Variants in MALRD1 observed in about 807,000 individuals in gnomAD.
MALRD1 encodes MAM and LDL receptor class A domain containing 1.
Under a neutral mutation model 242.1 loss-of-function variants are expected in MALRD1, and 247 were observed. That is an observed-to-expected ratio of 1.02 (90% CI 0.92 to 1.13). The LOEUF is 1.13. Ranked by LOEUF, MALRD1 falls within the 50% of genes most tolerant of loss-of-function variation. The pLI is 0.00. For synonymous variants in MALRD1, 995 were observed against 866.6 expected (o/e 1.15, Z -2.60); for missense variants, 2,989 against 2,533.1 (o/e 1.18, Z -3.86).
chr10:19,734,297 A>G lies in MALRD1; in HGVS notation c.*60A>G, dbSNP rs1835407669. On this transcript the variant is annotated 3_prime_UTR_variant, in exon 40 of 40. Transcript: ENST00000454679. ...GTTTCTAGAAAATTGAAGTCTCCACAATCTGATAGAAACTCATCTTCTACA... is the reference window on the plus strand; with the variant it reads ...GTTTCTAGAAAATTGAAGTCTCCACGATCTGATAGAAACTCATCTTCTACA... 7.5e-7 allele frequency: 1 copy of G among 1,328,798 alleles called. No homozygotes were observed. The highest frequency in any genetic ancestry group is 1.0e-6 in the Non-Finnish European group (1 of 962,880). 82.3% of individuals were successfully genotyped at this position (1,328,798 alleles called of 1,614,324 possible).
At chr10:19,337,791 G>T (rs1000164358) in intron 24 of MALRD1, among the ~76,000 whole-genome samples, 2 of 151,836 alleles carry the variant, frequency 1.3e-5, no homozygotes, top group African/African-American at 4.8e-5. Context: ...AACTGGGTGC[G>T]GTGGTTCACG....
chr10:19,485,744 C>T (rs569906122), intron 29 of MALRD1, among the ~76,000 whole-genome samples: 1 of 151,884 alleles, frequency 6.6e-6, no homozygotes, highest in African/African-American at 2.4e-5. Context: ...CTAAAAGAGA[C>T]AAATCCATCG....
At chr10:19,175,020 A>G (rs1317107079) in intron 13 of MALRD1, among the ~76,000 whole-genome samples, 188 bp from the exon 14 acceptor site, 1 of 152,160 alleles carries the variant, frequency 6.6e-6, no homozygotes, top group African/African-American at 2.4e-5. Flanking sequence ...ATTAAGGTAC[A>G]TAAGATGCTG....
At chr10:19,703,017 G>A (rs959420096) in intron 38 of MALRD1, among the ~76,000 whole-genome samples, 1 of 152,102 alleles carries the variant, frequency 6.6e-6, no homozygotes, top group African/African-American at 2.4e-5. Flanking sequence ...TTGATTTCCT[G>A]GATTTTATTA....
At position 19,586,424 on chromosome 10, in the gene MALRD1, T is replaced by G. The variant is rs1453631387; in HGVS notation, c.5681-8770T>G. Among the ~76,000 whole-genome samples the G allele has an allele frequency of 3.3e-5, 5 of 152,312 alleles. 1 individual carries two copies. In the East Asian group the frequency reaches 9.7e-4, roughly 29 times the overall value. The stretch of plus-strand genomic sequence containing the variant: ...TTTTTGGTGTGGATGTCCTTTCTGT[T>G]TGTTAGTTTTCCTTCTAACGGACAG... On this transcript the variant is annotated intron_variant, in intron 33 of 39. Coordinates refer to ENST00000454679, the MANE Select transcript of MALRD1 (RefSeq NM_001142308.3).
chr10:19,398,469 C>T (rs1329986963), intron 28 of MALRD1, among the ~76,000 whole-genome samples: 1 of 152,052 alleles, frequency 6.6e-6, no homozygotes, highest in African/African-American at 2.4e-5. Flanking sequence ...ATAAATGATA[C>T]TTTTGAGACA....
chr10:19,061,216 G>T (rs904151291), intron 1 of MALRD1, among the ~76,000 whole-genome samples: 2 of 152,100 alleles, frequency 1.3e-5, no homozygotes, highest in Non-Finnish European at 2.9e-5. Flanking sequence ...CAGCAAACCA[G>T]CACGAGACTA....
chr10:19,480,754 T>TTC (rs1228285021), intron 29 of MALRD1, among the ~76,000 whole-genome samples: 1 of 152,208 alleles, frequency 6.6e-6, no homozygotes, highest in East Asian at 1.9e-4. Flanking sequence ...GGTGTACCAG[T>TTC]TCTGAGTTTT....
At chr10:19,058,891 C>T (rs949098850) in intron 1 of MALRD1, among the ~76,000 whole-genome samples, 14 of 152,058 alleles carry the variant, frequency 9.2e-5, no homozygotes, top group Admixed American at 9.2e-4. Context: ...AAGATGGATA[C>T]TATTTCAGGC....
At chr10:19,535,543 A>G (rs1044225563) in intron 32 of MALRD1, among the ~76,000 whole-genome samples, 1 of 150,442 alleles carries the variant, frequency 6.6e-6, no homozygotes, top group African/African-American at 2.4e-5. Flanking sequence ...ATACATATAC[A>G]TATATATACA....
At chr10:19,307,490 A>C (rs1016577296) in intron 21 of MALRD1, among the ~76,000 whole-genome samples, 5 of 151,596 alleles carry the variant, frequency 3.3e-5, no homozygotes, top group Non-Finnish European at 5.9e-5. Flanking sequence ...TGACACATTC[A>C]GTCATAAAAT....
chr10:19,435,153 A>G (rs1344447150), intron 28 of MALRD1, among the ~76,000 whole-genome samples: 1 of 149,842 alleles, frequency 6.7e-6, no homozygotes, highest in Non-Finnish European at 1.5e-5. Flanking sequence ...ATTTTATAAT[A>G]TCCTATTTAT....
chr10:19,416,014 A>G (rs978092949), intron 28 of MALRD1, among the ~76,000 whole-genome samples: 1 of 152,230 alleles, frequency 6.6e-6, no homozygotes, highest in Admixed American at 6.5e-5. Context: ...GTCTGTGGCT[A>G]TAAACAAACT....
intron 2 of MALRD1, among the ~76,000 whole-genome samples, chr10:19,068,104 G>A (rs1022861487): frequency 2.0e-5 from 3 of 152,006 alleles, no homozygotes; most frequent in Non-Finnish European, 4.4e-5. Flanking sequence ...CTTACAGATT[G>A]CTGATTCCAT....
Position 19,155,140 on chromosome 10 carries a change from A to G in MALRD1, c.1624A>G (p.Thr542Ala). The G allele has an allele frequency of 1.6e-6, 2 of 1,231,576 alleles. No homozygotes were observed. The highest frequency in any genetic ancestry group is 2.0e-6 in the Non-Finnish European group (2 of 987,898). 76.3% of individuals were successfully genotyped at this position (1,231,576 alleles called of 1,614,324 possible). A position where few individuals can be genotyped will look rare whatever the true frequency, so the allele number is the denominator to read the frequency against. ...GGCCAAGCTTGGAAGTCCTGTTCTTACAAAATTGCTCACTGCCTCTACCCC... is the reference window on the plus strand; with the variant it reads ...GGCCAAGCTTGGAAGTCCTGTTCTTGCAAAATTGCTCACTGCCTCTACCCC... ...GVAKLGSPVL[T>A]KLLTASTPCQ... Residue 542 changes from threonine (T) to alanine (A), a missense_variant, in exon 12 of 40, where the codon ACA becomes GCA. Physicochemically the swap from Thr to Ala is moderately conservative, Grantham distance 58 (BLOSUM62 0). Transcript: ENST00000454679.
At chr10:19,171,647 CAT>C (rs1289505172) in intron 13 of MALRD1, among the ~76,000 whole-genome samples, 15 of 111,870 alleles carry the variant, frequency 1.3e-4, no homozygotes, top group African/African-American at 4.6e-4. Context: ...TACACACACA[CAT>C]ATATATGTCT....
chr10:19,312,895 G>A (rs11009410), intron 21 of MALRD1, among the ~76,000 whole-genome samples: 117,502 of 151,380 alleles, frequency 0.78, 46,088 homozygotes, highest in African/African-American at 0.87. Context: ...GAAACGATCA[G>A]TGGCTGAAAA....
chr10:19,378,765 G>A (rs1845711341), intron 26 of MALRD1, among the ~76,000 whole-genome samples: 1 of 152,016 alleles, frequency 6.6e-6, no homozygotes, highest in Admixed American at 6.6e-5. Flanking sequence ...AGACATATTG[G>A]TCTATCATCT....
At chr10:19,732,747 G>A (rs1835348009) in intron 39 of MALRD1, among the ~76,000 whole-genome samples, 1 of 152,050 alleles carries the variant, frequency 6.6e-6, no homozygotes. Context: ...CTACTGAGAT[G>A]GATTCTGTTG....
Sources: gnomAD v4.1 joint callset for allele counts (sites outside exome capture counted in the v4.1 genomes callset) on GRCh38, gnomAD v4.1.1 for gene constraint, MANE v1.5 for transcripts, NCBI Gene and HGNC (gene_info 2026-07-23, HGNC 2026-07-21) for gene names.